Variants in SGSM1 observed in about 807,000 individuals in gnomAD.
The protein encoded by SGSM1 is small G protein signaling modulator 1.
A neutral mutation model predicts 133.8 loss-of-function variants in SGSM1; 73 were observed. The observed-to-expected ratio is 0.55, with a 90% CI of 0.45 to 0.66. SGSM1 has a LOEUF of 0.66. Among genes scored for constraint, SGSM1 ranks in the 30% least tolerant of loss-of-function variants. The probability of loss-of-function intolerance (pLI) is 0.00; values close to 1 mark genes in which losing one functional copy is unlikely to be tolerated. For synonymous variants in SGSM1, 563 were observed against 573.0 expected, an observed-to-expected ratio of 0.98 and a Z score of 0.25; for missense variants, 1,213 against 1,448.1, an observed-to-expected ratio of 0.84 and a Z score of 2.64.
intron 23 of SGSM1, among the ~76,000 whole-genome samples, chr22:24,919,062 TTTTC>T (rs1291873349): frequency 3.5e-4 from 40 of 113,036 alleles, no homozygotes; most frequent in African/African-American, 9.9e-4. Context: ...TTTTTTTTTT[TTTTC>T]GAGATGAAGT....
intron 8 of SGSM1, chr22:24,856,006 T>G (rs1418959209): frequency 4.1e-6 from 2 of 492,532 alleles, no homozygotes; most frequent in African/African-American, 1.9e-5. Context: ...TCCACCCATC[T>G]TTACATCTAT....
At chr22:24,890,562 G>A (rs139727) in intron 16 of SGSM1, among the ~76,000 whole-genome samples, 35,943 of 151,388 alleles carry the variant, frequency 0.24, 4,530 homozygotes, top group East Asian at 0.54. Flanking sequence ...TTTTTTTGAG[G>A]TGGAGTCTCG....
At chr22:24,811,349 T>C (rs16978978) in intron 2 of SGSM1, among the ~76,000 whole-genome samples, 2,893 of 152,224 alleles carry the variant, frequency 0.019, 99 homozygotes, top group African/African-American at 0.067. Context: ...CTAGGCTAAT[T>C]TGATACGAAT....
chr22:24,876,802 C>G, intron 13 of SGSM1, 87 bp downstream of exon 13: 2 of 1,550,856 alleles, frequency 1.3e-6, no homozygotes, highest in South Asian at 2.3e-5. Flanking sequence ...GCACTGAATT[C>G]AGAGTGAGCA....
rs1299387256 is a variant in SGSM1, at chr22:24,879,527, G to A, written c.1495+1G>A. 1 of 1,613,088 alleles carries A rather than the reference G, an allele frequency of 6.2e-7. No individual in the cohort carries two copies. Among genetic ancestry groups the A allele is most frequent in the Non-Finnish European group, 8.5e-7 (1 of 1,179,500 alleles). On this transcript the variant is annotated splice_donor_variant, in intron 14 of 24. Coordinates refer to ENST00000400358, the MANE Select transcript of SGSM1 (RefSeq NM_001098497.3). LOFTEE classifies it high-confidence loss of function. The stretch of plus-strand genomic sequence containing the variant: ...ATCCTCTCCAGAGCCTTCTATGGAT[G>A]TACGTATAGGGCTCCATTGCCAGTG...
chr22:24,916,271 T>C (rs1306055857), intron 22 of SGSM1, among the ~76,000 whole-genome samples: 2 of 152,210 alleles, frequency 1.3e-5, no homozygotes, highest in Non-Finnish European at 2.9e-5. Flanking sequence ...TCCGTGGATT[T>C]GCCTTTTCTA....
intron 5 of SGSM1, among the ~76,000 whole-genome samples, chr22:24,850,791 G>A (rs1307235378): frequency 6.6e-6 from 1 of 152,196 alleles, no homozygotes; most frequent in African/African-American, 2.4e-5. Flanking sequence ...TGGTGAATAT[G>A]CAGCATTTTG....
At chr22:24,815,912 G>C (rs1444956213) in intron 2 of SGSM1, among the ~76,000 whole-genome samples, 2 of 152,144 alleles carry the variant, frequency 1.3e-5, no homozygotes, top group African/African-American at 4.8e-5. Flanking sequence ...TCCTGAGAAA[G>C]GAACTCAGAT....
At chr22:24,874,447 G>T (rs750633619) in intron 12 of SGSM1, 6 of 1,612,676 alleles carry the variant, frequency 3.7e-6, no homozygotes, top group African/African-American at 1.3e-5. Flanking sequence ...CACTTCCTCC[G>T]TCTCTGTGGG....
intron 16 of SGSM1, 78 bp from the exon 17 acceptor site, chr22:24,893,353 C>T: frequency 2.0e-6 from 3 of 1,490,458 alleles, no homozygotes; most frequent in Admixed American, 3.9e-5. Flanking sequence ...ATCAGAGCCA[C>T]TCTCTTCCAC....
chr22:24,837,579 C>A (rs1929512012), intron 2 of SGSM1, among the ~76,000 whole-genome samples: 1 of 36,816 alleles, frequency 2.7e-5, no homozygotes, highest in Non-Finnish European at 5.5e-5. Context: ...GAAAGGGAGA[C>A]CCCCCCCCCC....
At chr22:24,900,503 G>A (rs959504273) in intron 19 of SGSM1, among the ~76,000 whole-genome samples, 4 of 151,820 alleles carry the variant, frequency 2.6e-5, no homozygotes, top group African/African-American at 9.7e-5. Context: ...GGGTTCAAGC[G>A]ATTCTCCTGC....
chr22:24,912,798 G>GT (rs1933681622), intron 22 of SGSM1, 46 bp downstream of exon 22: 2 of 1,413,510 alleles, frequency 1.4e-6, no homozygotes, highest in Non-Finnish European at 9.9e-7. Flanking sequence ...TTGGGAAACA[G>GT]TTAGTAAAGC....
chr22:24,854,098 C>T (rs1391617810), intron 5 of SGSM1, among the ~76,000 whole-genome samples: 3 of 152,120 alleles, frequency 2.0e-5, no homozygotes, highest in Non-Finnish European at 4.4e-5. Context: ...TGTGGGAATT[C>T]TGGGAGATAC....
At chr22:24,890,625 C>A (rs561434234) in intron 16 of SGSM1, among the ~76,000 whole-genome samples, 1 of 152,216 alleles carries the variant, frequency 6.6e-6, no homozygotes, top group Admixed American at 6.5e-5. Context: ...ACTGCAACCT[C>A]CACCTCCTGG....
At chr22:24,874,590 G>T in intron 12 of SGSM1, 1 of 1,579,408 alleles carries the variant, frequency 6.3e-7, no homozygotes, top group Non-Finnish European at 8.6e-7. Context: ...GTAATGTCTG[G>T]GATCTCCCCG....
At chr22:24,820,881 C>T (rs1053071279) in intron 2 of SGSM1, among the ~76,000 whole-genome samples, 19 of 152,096 alleles carry the variant, frequency 1.2e-4, no homozygotes, top group African/African-American at 3.1e-4. Context: ...TGAAGAAATG[C>T]GATGAATTCA....
chr22:24,814,890 G>A (rs1601883272), intron 2 of SGSM1, among the ~76,000 whole-genome samples: 2 of 152,296 alleles, frequency 1.3e-5, no homozygotes, highest in African/African-American at 2.4e-5. Context: ...GCCATCATGG[G>A]GAGGGCAGCT....
chr22:24,920,582 G>A (rs370638592), intron 24 of SGSM1, among the ~76,000 whole-genome samples: 2 of 152,286 alleles, frequency 1.3e-5, no homozygotes, highest in African/African-American at 4.8e-5. Context: ...ATCCCAGCAC[G>A]TGGTACCTGG....
Sources: gnomAD v4.1 joint callset for allele counts (sites outside exome capture counted in the v4.1 genomes callset) on GRCh38, gnomAD v4.1.1 for gene constraint, MANE v1.5 for transcripts, NCBI Gene and HGNC (gene_info 2026-07-23, HGNC 2026-07-21) for gene names.